PKHD1L1: variants seen among roughly 807,000 people sequenced by gnomAD.
PKHD1L1 encodes fibrocystin-L.
In PKHD1L1, 434 loss-of-function variants were observed where a neutral mutation model predicts 462.9. That is an observed-to-expected ratio of 0.94 (90% CI 0.87 to 1.02). The LOEUF (loss-of-function observed/expected upper bound fraction) is 1.02. Ranked by LOEUF, PKHD1L1 falls within the 50% of genes least tolerant of loss-of-function variation. PKHD1L1 has a pLI of 0.00. For synonymous variants in PKHD1L1, 1,781 were observed against 1,750.0 expected (o/e 1.02, Z -0.44); for missense variants, 5,202 against 5,096.1 (o/e 1.02, Z -0.63).
At chr8:109,508,729 CTT>C (rs1365771793) in intron 70 of PKHD1L1, among the ~76,000 whole-genome samples, 1 of 152,112 alleles carries the variant, frequency 6.6e-6, no homozygotes, top group Non-Finnish European at 1.5e-5. Flanking sequence ...CTTTGGAAGA[CTT>C]ATCTTGCTAT....
At chr8:109,487,935 A>G (rs150962497) in intron 59 of PKHD1L1, among the ~76,000 whole-genome samples, 2,125 of 151,146 alleles carry the variant, frequency 0.014, 17 homozygotes, top group Non-Finnish European at 0.021. Flanking sequence ...GAAGGAAGGA[A>G]GGAAGGAAAG....
At chr8:109,524,396 G>A (rs1225275257) in intron 76 of PKHD1L1, among the ~76,000 whole-genome samples, 1 of 152,052 alleles carries the variant, frequency 6.6e-6, no homozygotes, top group East Asian at 1.9e-4. Flanking sequence ...ACTGCTTTCT[G>A]GTTTAGAACA....
At chr8:109,419,513 T>C (rs1814358510) in intron 22 of PKHD1L1, among the ~76,000 whole-genome samples, 1 of 152,180 alleles carries the variant, frequency 6.6e-6, no homozygotes, top group South Asian at 2.1e-4. Flanking sequence ...GGATTTTGTT[T>C]ATGGATAAAT....
At chr8:109,498,979 G>A in intron 67 of PKHD1L1, 1 of 515,512 alleles carries the variant, frequency 1.9e-6, no homozygotes, top group Non-Finnish European at 3.4e-6. Flanking sequence ...AAGAATTGAT[G>A]TTAAATTTTC....
At chr8:109,509,444 G>C (rs971910219) in intron 70 of PKHD1L1, among the ~76,000 whole-genome samples, 5 of 151,598 alleles carry the variant, frequency 3.3e-5, no homozygotes, top group South Asian at 2.1e-4. Context: ...TCTTCAATAT[G>C]AATTTAAATT....
At chr8:109,513,115 C>T (rs1042285627) in intron 71 of PKHD1L1, among the ~76,000 whole-genome samples, 46 of 151,296 alleles carry the variant, frequency 3.0e-4, no homozygotes, top group Admixed American at 7.2e-4. Context: ...ATGGGGTTTT[C>T]TAGATATACA....
intron 32 of PKHD1L1, 28 bp downstream of exon 32, chr8:109,439,120 A>G (rs376804182): frequency 5.0e-6 from 8 of 1,592,258 alleles, no homozygotes; most frequent in Non-Finnish European, 6.9e-6. Flanking sequence ...AACTTGATGG[A>G]GTTGTAGAAC....
intron 57 of PKHD1L1, among the ~76,000 whole-genome samples, chr8:109,483,827 A>C (rs1818393076): frequency 6.6e-6 from 1 of 151,826 alleles, no homozygotes; most frequent in Admixed American, 6.6e-5. Context: ...TCTGACACCC[A>C]GTGACATCCA....
chr8:109,444,815 A>T lies in PKHD1L1; in HGVS notation c.4946A>T (p.Asn1649Ile). ...NLGTAINTLS[N>I]EFDRRFVLLP... is the part of the protein sequence containing the mutation. ...GGCACTGCTATCAATACGTTGTCCAATGAATTTGATAGGCGATTTGTACTT... is the reference window on the plus strand; with the variant it reads ...GGCACTGCTATCAATACGTTGTCCATTGAATTTGATAGGCGATTTGTACTT... The change falls in exon 38 of 78, where the codon AAT becomes ATT. Residue 1649 changes from asparagine to isoleucine, a missense_variant. Physicochemically the swap from Asn to Ile is moderately radical, Grantham distance 149. Transcript: ENST00000378402. The T allele has an allele frequency of 6.2e-7, 1 of 1,614,012 alleles. No individual in the cohort carries two copies. Among genetic ancestry groups the T allele is most frequent in the Non-Finnish European group, 8.5e-7 (1 of 1,179,884 alleles).
At chr8:109,482,094 A>G (rs891311747) in intron 56 of PKHD1L1, among the ~76,000 whole-genome samples, 11 of 137,132 alleles carry the variant, frequency 8.0e-5, no homozygotes, top group East Asian at 4.2e-4. Context: ...TTCTTATTTG[A>G]GCTCAGAAAG....
chr8:109,444,115 T>TC (rs112180968), intron 37 of PKHD1L1, among the ~76,000 whole-genome samples: 30,237 of 126,534 alleles, frequency 0.24, 3,145 homozygotes, highest in South Asian at 0.33. Flanking sequence ...TTTCATTACC[T>TC]CCCCCCCCCA....
intron 16 of PKHD1L1, among the ~76,000 whole-genome samples, chr8:109,405,572 C>A (rs1423204337): frequency 6.6e-6 from 1 of 151,642 alleles, no homozygotes; most frequent in Non-Finnish European, 1.5e-5. Flanking sequence ...ACTTCCTCAA[C>A]AAACTAACTC....
rs762277155 is a variant in PKHD1L1, at chr8:109,443,887, C to T, written c.4776C>T (p.Leu1592=). Residue 1592 remains leucine, a synonymous_variant, in exon 37 of 78, where the codon CTC becomes CTT. Coordinates refer to ENST00000378402, the MANE Select transcript of PKHD1L1 (RefSeq NM_177531.6). ...TTATTGGACATGGCTTTAGTAATCTCCCATGGGCTAATAAGGTAAGAATAT... is the reference window on the plus strand; with the variant it reads ...TTATTGGACATGGCTTTAGTAATCTTCCATGGGCTAATAAGGTAAGAATAT... ...ITIIGHGFSN[L]PWANKVTIGS... 2.5e-6 allele frequency: 4 copies of T among 1,608,744 alleles called. No individual in the cohort carries two copies. The highest frequency in any genetic ancestry group is 4.5e-5 in the East Asian group (2 of 44,866).
At position 109,444,748 on chromosome 8, in the gene PKHD1L1, G is replaced by T; in HGVS notation, c.4879G>T (p.Val1627Phe). 1 of 1,613,966 alleles carries T rather than the reference G, an allele frequency of 6.2e-7. No individual in the cohort carries two copies. The highest frequency in any genetic ancestry group is 1.1e-5 in the South Asian group (1 of 91,082). Residue 1627 changes from valine (V) to phenylalanine (F), a missense_variant, in exon 38 of 78, where the codon GTT (valine) becomes TTT (phenylalanine). Coordinates refer to ENST00000378402, the MANE Select transcript of PKHD1L1 (RefSeq NM_177531.6). ...TATTGACCCTCAAAACTCAATGGAT[G>T]TTGGTATCAGGGAAACTGTCACTTT... ...CHIDPQNSMD[V>F]GIRETVTLTV...
chr8:109,417,337 C>T (rs1339846301), intron 21 of PKHD1L1, among the ~76,000 whole-genome samples: 12 of 151,324 alleles, frequency 7.9e-5, no homozygotes, highest in South Asian at 4.2e-4. Context: ...TAATATGTAT[C>T]CACAAAAAAA....
chr8:109,445,069 C>G lies in PKHD1L1; in HGVS notation c.5200C>G (p.Gln1734Glu). ...TCTTCTAATACATGGAGTGCCTGCC[C>G]AGTGCCAGGGAAACTGCACCTTTTC... ...VDLLIHGVPA[Q>E]CQGNCTFSYL... is the part of the protein sequence containing the mutation. Residue 1734 changes from glutamine to glutamate, a missense_variant, in exon 38 of 78, where the codon CAG becomes GAG. Physicochemically the swap from Gln to Glu is conservative, Grantham distance 29. Transcript: ENST00000378402. 1 of 1,613,870 alleles carries G rather than the reference C, an allele frequency of 6.2e-7. No individual in the cohort carries two copies. The highest frequency in any genetic ancestry group is 8.5e-7 in the Non-Finnish European group (1 of 1,179,854).
At chr8:109,455,424 T>C (rs1481872783) in intron 45 of PKHD1L1, among the ~76,000 whole-genome samples, 3 of 152,172 alleles carry the variant, frequency 2.0e-5, no homozygotes, top group African/African-American at 4.8e-5. Context: ...TCTGGGTCTT[T>C]TCTACATTCC....
At chr8:109,470,289 T>A (rs936850530) in intron 50 of PKHD1L1, 1 of 1,479,236 alleles carries the variant, frequency 6.8e-7, no homozygotes, top group East Asian at 2.3e-5. Flanking sequence ...GCCATACTTG[T>A]AACTGCAAAA....
chr8:109,435,817 T>A (rs1815376137), intron 29 of PKHD1L1, among the ~76,000 whole-genome samples: 1 of 151,982 alleles, frequency 6.6e-6, no homozygotes, highest in Admixed American at 6.5e-5. Flanking sequence ...CATTTGTTTG[T>A]TTTTTTTACC....
Sources: gnomAD v4.1 joint callset for allele counts (sites outside exome capture counted in the v4.1 genomes callset) on GRCh38, gnomAD v4.1.1 for gene constraint, MANE v1.5 for transcripts, NCBI Gene and HGNC (gene_info 2026-07-23, HGNC 2026-07-21) for gene names.